The following CDK6 variants were observed in gnomAD, a reference collection of about 807,000 sequenced individuals.
CDK6 encodes the protein cyclin dependent kinase 6.
CDK6 carries 6 observed loss-of-function variants against 37.1 expected under a neutral mutation model. The observed-to-expected ratio is 0.16, with a 90% CI of 0.09 to 0.32. The LOEUF (loss-of-function observed/expected upper bound fraction) is 0.32, where lower values mean the gene tolerates loss of function less well. CDK6 is among the 10% of genes least tolerant of loss of function. CDK6 has a pLI of 1.00. For missense variants in CDK6, 224 were observed against 418.9 expected (o/e 0.53, Z 4.06); for synonymous variants, 160 against 161.3 (o/e 0.99, Z 0.06).
chr7:92,678,795 CCA>C (rs1029932287), intron 4 of CDK6, among the ~76,000 whole-genome samples: 7 of 152,174 alleles, frequency 4.6e-5, no homozygotes, highest in African/African-American at 1.7e-4. Flanking sequence ...CCATATGCCT[CCA>C]GTTTCTTACT....
At chr7:92,805,381 T>C (rs145510657) in intron 2 of CDK6, among the ~76,000 whole-genome samples, 64 of 152,254 alleles carry the variant, frequency 4.2e-4, no homozygotes, top group African/African-American at 1.2e-3. Context: ...TTCTCAATGG[T>C]TTAAAATAAA....
At chr7:92,817,713 T>C (rs1244196369) in intron 2 of CDK6, among the ~76,000 whole-genome samples, 4 of 151,854 alleles carry the variant, frequency 2.6e-5, no homozygotes, top group African/African-American at 7.2e-5. Context: ...AGTACAACTG[T>C]CTATTCTCAG....
chr7:92,675,099 G>A (rs771208571), intron 4 of CDK6, among the ~76,000 whole-genome samples: 1 of 152,188 alleles, frequency 6.6e-6, no homozygotes, highest in Non-Finnish European at 1.5e-5. Context: ...CTCCCAAAAT[G>A]CTGGGATTAC....
At position 92,833,945 on chromosome 7, in the gene CDK6, G is replaced by T. The variant is rs1801573778; in HGVS notation, c.-367-255C>A. On this transcript the variant is annotated intron_variant, in intron 1 of 7. Transcript: ENST00000424848. This position sits in a 1 kb window ranked among gnomAD's most constrained non-coding sequence, Gnocchi z 6.1. ...AGGGGCCCCTCGGGGATGAGCGAGC[G>T]GCGCGGGACGCAGTGGAACGGGAGG... The T allele has an allele frequency of 5.0e-6, 2 of 398,648 alleles. No individual in the cohort carries two copies. Among genetic ancestry groups the T allele is most frequent in the South Asian group, 1.3e-4 (1 of 7,882 alleles). The allele number at this position is 398,648 out of a possible 1,614,324, so 24.7% of individuals were successfully genotyped here.
intron 3 of CDK6, among the ~76,000 whole-genome samples, chr7:92,743,268 C>T (rs1298461731): frequency 6.6e-6 from 1 of 151,740 alleles, no homozygotes; most frequent in Non-Finnish European, 1.5e-5. Flanking sequence ...CTCAGCTACT[C>T]AAGAGGCTGA....
chr7:92,615,362 T>C, intron 7 of CDK6, 76 bp from the exon 8 acceptor site: 1 of 1,233,454 alleles, frequency 8.1e-7, no homozygotes, highest in South Asian at 1.3e-5. Flanking sequence ...GTTATCCCTT[T>C]ATTCACTGTC....
intron 2 of CDK6, among the ~76,000 whole-genome samples, chr7:92,783,527 A>G (rs964186387): frequency 6.6e-6 from 1 of 152,228 alleles, no homozygotes; most frequent in African/African-American, 2.4e-5. Context: ...TATTCATAAG[A>G]AAGTTTCATT....
chr7:92,680,639 T>C (rs1160551510), intron 4 of CDK6, among the ~76,000 whole-genome samples: 1 of 152,082 alleles, frequency 6.6e-6, no homozygotes, highest in Non-Finnish European at 1.5e-5. Context: ...TCTGCTCTGA[T>C]GCATCCATTA....
intron 2 of CDK6, among the ~76,000 whole-genome samples, chr7:92,792,752 G>A (rs956485844): frequency 6.6e-6 from 1 of 151,958 alleles, no homozygotes; most frequent in African/African-American, 2.4e-5. Context: ...AGCTCAGTCT[G>A]GAAAAGATTA....
intron 4 of CDK6, among the ~76,000 whole-genome samples, chr7:92,704,727 A>G (rs1310351113): frequency 6.6e-6 from 1 of 152,204 alleles, no homozygotes; most frequent in East Asian, 1.9e-4. Flanking sequence ...TGTCAATTTA[A>G]TCATTCCTTT....
chr7:92,684,445 T>C (rs1797404326), intron 4 of CDK6, among the ~76,000 whole-genome samples: 1 of 152,128 alleles, frequency 6.6e-6, no homozygotes, highest in Non-Finnish European at 1.5e-5. Flanking sequence ...ATCAGGGTCA[T>C]GGATGTGCAA....
intron 5 of CDK6, among the ~76,000 whole-genome samples, chr7:92,635,781 C>T (rs1424084415): frequency 2.0e-5 from 3 of 152,060 alleles, no homozygotes; most frequent in East Asian, 3.8e-4. Context: ...CCCATGATAC[C>T]GTGCTGTGCT....
In CDK6 at chr7:92,615,058, G is replaced by T. The variant is rs2116475703; in HGVS notation, c.*82C>A. On this transcript the variant is annotated 3_prime_UTR_variant, in exon 8 of 8. Transcript: ENST00000424848. Reference sequence around the variant, plus strand: ...GGCCTCCAGATAGCAATCCTCCACAGCTCTGTAGGGCTTGCTGAGGGGGAC... The same window carrying T: ...GGCCTCCAGATAGCAATCCTCCACATCTCTGTAGGGCTTGCTGAGGGGGAC... The T allele has an allele frequency of 6.9e-7, 1 of 1,457,424 alleles. No individual in the cohort carries two copies. The highest frequency in any genetic ancestry group is 9.5e-7 in the Non-Finnish European group (1 of 1,054,728). 90.3% of individuals were successfully genotyped at this position (1,457,424 alleles called of 1,614,324 possible). A position where few individuals can be genotyped will look rare whatever the true frequency, so the allele number is the denominator to read the frequency against.
At chr7:92,684,135 C>T (rs193169600) in intron 4 of CDK6, among the ~76,000 whole-genome samples, 31 of 152,220 alleles carry the variant, frequency 2.0e-4, no homozygotes, top group Admixed American at 1.1e-3. Flanking sequence ...CGAGTATCAA[C>T]GACTCTATTT....
intron 3 of CDK6, among the ~76,000 whole-genome samples, chr7:92,736,942 T>C (rs1798802580): frequency 6.6e-6 from 1 of 152,238 alleles, no homozygotes; most frequent in Non-Finnish European, 1.5e-5. Flanking sequence ...TCAATTTTAA[T>C]GGCCCATCTT....
chr7:92,783,244 T>C (rs1357913014), intron 2 of CDK6, among the ~76,000 whole-genome samples: 7 of 152,162 alleles, frequency 4.6e-5, no homozygotes, highest in African/African-American at 1.7e-4. Flanking sequence ...AAAAAAGAAC[T>C]TAAAAATAAT....
At chr7:92,640,950 A>G (rs1012054140) in intron 5 of CDK6, among the ~76,000 whole-genome samples, 1 of 152,208 alleles carries the variant, frequency 6.6e-6, no homozygotes, top group African/African-American at 2.4e-5. Flanking sequence ...CCTACTATGT[A>G]CCAGGGAATA....
chr7:92,650,546 G>C (rs528475575), intron 5 of CDK6, among the ~76,000 whole-genome samples: 101 of 152,262 alleles, frequency 6.6e-4, no homozygotes, highest in African/African-American at 2.3e-3. Flanking sequence ...CAGCTCTGTA[G>C]GTCAAAAGTC....
chr7:92,631,035 C>T (rs552167315), intron 5 of CDK6, among the ~76,000 whole-genome samples: 1 of 152,186 alleles, frequency 6.6e-6, no homozygotes. Context: ...CACCATACCA[C>T]ATAATAAACT....
Sources: gnomAD v4.1 joint callset for allele counts (sites outside exome capture counted in the v4.1 genomes callset) on GRCh38, gnomAD v4.1.1 for gene constraint, Gnocchi (gnomAD v3.1) non-coding constraint, MANE v1.5 for transcripts, NCBI Gene and HGNC (gene_info 2026-07-23, HGNC 2026-07-21) for gene names.